Variants in PPL observed in about 807,000 individuals in gnomAD.
The protein encoded by PPL is 190 kDa paraneoplastic pemphigus antigen.
Under a neutral mutation model 194.4 loss-of-function variants are expected in PPL, and 198 were observed. The observed-to-expected ratio is 1.02, with a 90% CI of 0.91 to 1.15. The LOEUF (loss-of-function observed/expected upper bound fraction) is 1.15. PPL is among the 50% of genes most tolerant of loss of function. The pLI, the probability that PPL is intolerant of heterozygous loss-of-function variation, is 0.00. For missense variants in PPL, 2,885 were observed against 2,294.8 expected, an observed-to-expected ratio of 1.26 and a Z score of -5.25; for synonymous variants, 1,220 against 972.4, an observed-to-expected ratio of 1.25 and a Z score of -4.74.
At chr16:4,891,530 C>T (rs910253153) in intron 16 of PPL, 5 of 369,574 alleles carry the variant, frequency 1.4e-5, no homozygotes, top group African/African-American at 8.4e-5. Flanking sequence ...AATCCTGCCC[C>T]AGCCTCCTGA....
chr16:4,884,478 G>C lies in PPL; in HGVS notation c.4177C>G (p.Gln1393Glu). 6.2e-7 allele frequency: 1 copy of C among 1,602,696 alleles called. No homozygotes were observed. Among genetic ancestry groups the C allele is most frequent in the Non-Finnish European group, 8.5e-7 (1 of 1,177,532 alleles). ...CGCTCAAGCTCGGTGCGCCGGCGCT[G>C]CAGCCGCCGCAGCTCTGCCCGCAGC... is the stretch of plus-strand genomic sequence containing the variant. ...DKLRAELRRL[Q>E]RRRTELERQL... The change falls in exon 22 of 22, where the codon CAG becomes GAG. Residue 1393 changes from glutamine (Q) to glutamate (E), a missense_variant. Gln to Glu is a conservative substitution (Grantham distance 29, BLOSUM62 2). Transcript: ENST00000345988. The surrounding 1 kb of genome is among the most constrained non-coding windows in gnomAD (Gnocchi z 5.7).
Position 4,890,697 on chromosome 16 carries a change from C to T in PPL, c.2162+31G>A, listed in dbSNP as rs753402119. 3 of 1,569,018 alleles carry T rather than the reference C, an allele frequency of 1.9e-6. No individual in the cohort carries two copies. In the East Asian group the frequency reaches 6.8e-5, roughly 36 times the overall value. On this transcript the variant is annotated intron_variant, in intron 17 of 21. Transcript: ENST00000345988. ...GGAATTAGATCGCATTCTCAGAAAACAAAAATGGCCACCACCCACCGCACC... is the reference window on the plus strand; with the variant it reads ...GGAATTAGATCGCATTCTCAGAAAATAAAAATGGCCACCACCCACCGCACC...
chr16:4,883,955 T>G lies in PPL; in HGVS notation c.4700A>C (p.Lys1567Thr), dbSNP rs777389788. ...CAGGTTTTGCCTCTCCAGCTGTAAT[T>G]TGTGGTTCTCTTCCCTCAGAAAGTC... ...ELDFLREENH[K>T]LQLERQNLQL... The change falls in exon 22 of 22, where the codon AAA becomes ACA. Residue 1567 changes from lysine to threonine, a missense_variant. Physicochemically the swap from Lys to Thr is moderately conservative, Grantham distance 78. Coordinates refer to ENST00000345988, the MANE Select transcript of PPL (RefSeq NM_002705.5). The surrounding 1 kb of genome is among the most constrained non-coding windows in gnomAD (Gnocchi z 4.8). The G allele has an allele frequency of 3.1e-6, 5 of 1,614,116 alleles. No individual in the cohort carries two copies. The East Asian group carries it at 1.1e-4, about 36-fold the overall frequency.
intron 1 of PPL, among the ~76,000 whole-genome samples, chr16:4,920,862 T>C (rs569243647): frequency 6.6e-6 from 1 of 152,264 alleles, no homozygotes; most frequent in Admixed American, 6.5e-5. Context: ...CTTGGCCTCC[T>C]AAAGTACAGG....
chr16:4,885,489 CTT>C lies in PPL; in HGVS notation c.3164_3165del (p.Lys1055ArgfsTer8), dbSNP rs2088200045. 6.2e-7 allele frequency: 1 copy of C among 1,612,088 alleles called. No individual in the cohort carries two copies. The highest frequency in any genetic ancestry group is 1.3e-5 in the African/African-American group (1 of 74,874). ...KSRAQEKVTEKEVVKLQNDPQ... is the reference protein window; with the variant it reads ...KSRAQEKVTEXEVVKLQNDPQ... ...GGGTCATTCTGCAGTTTCACCACCT[CTT>C]TCTCTGTGACCTTCTCCTGCGCCCG... On this transcript the variant is annotated frameshift_variant, in exon 22 of 22. Transcript: ENST00000345988. LOFTEE classifies it high-confidence loss of function. The surrounding 1 kb of genome is among the most constrained non-coding windows in gnomAD (Gnocchi z 6.3).
At chr16:4,929,738 G>C (rs1166390448) in intron 1 of PPL, among the ~76,000 whole-genome samples, 1 of 152,050 alleles carries the variant, frequency 6.6e-6, no homozygotes, top group Non-Finnish European at 1.5e-5. Context: ...CCAGGCTGGA[G>C]TGCAGTGGCA....
chr16:4,900,763 C>A lies in PPL; in HGVS notation c.606+67G>T, dbSNP rs1042382586. ...CATTTTTAAAACAATACATCCTTGT[C>A]CCCCCGACTCCAAGCTTCCCATCCT... On this transcript the variant is annotated intron_variant, in intron 6 of 21. Transcript: ENST00000345988. 1.9e-6 allele frequency: 3 copies of A among 1,597,308 alleles called. No individual in the cohort carries two copies. In the Admixed American group the frequency reaches 5.0e-5, roughly 27 times the overall value.
intron 1 of PPL, among the ~76,000 whole-genome samples, chr16:4,929,700 AT>A (rs1485164821): frequency 6.6e-6 from 1 of 151,986 alleles, no homozygotes; most frequent in African/African-American, 2.4e-5. Context: ...TATTTTATTT[AT>A]TTAGAGACAG....
At chr16:4,928,173 T>C (rs2089183372) in intron 1 of PPL, among the ~76,000 whole-genome samples, 2 of 152,286 alleles carry the variant, frequency 1.3e-5, no homozygotes, top group Non-Finnish European at 2.9e-5. Context: ...GACAGAGTCT[T>C]GCTCTGTTAT....
At position 4,902,342 on chromosome 16, in the gene PPL, C is replaced by G. The variant is rs2088590561; in HGVS notation, c.438+64G>C. The stretch of plus-strand genomic sequence containing the variant: ...TGCCCATTACATGGGTAGGCTCTCC[C>G]TGCACACGCACAGCCCCCTCCCCAG... On this transcript the variant is annotated intron_variant, in intron 4 of 21. Coordinates refer to ENST00000345988, the MANE Select transcript of PPL (RefSeq NM_002705.5). The surrounding 1 kb of genome is among the most constrained non-coding windows in gnomAD (Gnocchi z 4.0). 1.3e-6 allele frequency: 2 copies of G among 1,597,028 alleles called. No homozygotes were observed. The highest frequency in any genetic ancestry group is 1.7e-5 in the Admixed American group (1 of 58,204).
chr16:4,904,367 C>T (rs1400270733), intron 2 of PPL, among the ~76,000 whole-genome samples: 2 of 152,198 alleles, frequency 1.3e-5, no homozygotes, highest in African/African-American at 4.8e-5. Flanking sequence ...GGCCTCCCTG[C>T]CTGGCACTCA....
At chr16:4,887,840 C>G (rs1187659006) in intron 20 of PPL, among the ~76,000 whole-genome samples, 1 of 152,192 alleles carries the variant, frequency 6.6e-6, no homozygotes, top group African/African-American at 2.4e-5. Context: ...AAGCAGTTCT[C>G]CCACCTCGGC....
chr16:4,926,797 T>A (rs996329107), intron 1 of PPL, among the ~76,000 whole-genome samples: 1 of 143,306 alleles, frequency 7.0e-6, no homozygotes, highest in Non-Finnish European at 1.5e-5. Context: ...GAGAATGGCG[T>A]GAACCTGGGA....
At chr16:4,893,690 C>G (rs760571645) in intron 12 of PPL, 52 bp from the exon 13 acceptor site, 5 of 1,468,094 alleles carry the variant, frequency 3.4e-6, no homozygotes, top group Non-Finnish European at 4.6e-6. Flanking sequence ...ACCCCCTGCA[C>G]CCACAGAGGC....
chr16:4,893,229 C>T lies in PPL; in HGVS notation c.1634G>A (p.Arg545Gln), dbSNP rs201735222. 23 of 1,574,720 alleles carry T rather than the reference C, an allele frequency of 1.5e-5. No individual in the cohort carries two copies. Among genetic ancestry groups the T allele is most frequent in the African/African-American group, 6.7e-5 (5 of 74,444 alleles). The change falls in exon 14 of 22, where the codon CGG becomes CAG. Residue 545 changes from arginine (R) to glutamine (Q), a missense_variant. Coordinates refer to ENST00000345988, the MANE Select transcript of PPL (RefSeq NM_002705.5). ...QGRAVQDSAE[R>Q]AKDLKNITNE... The stretch of plus-strand genomic sequence containing the variant: ...CGCAGGTACCTTGAGGTCCTTGGCC[C>T]GCTCGGCACTGTCCTGCACAGCCCG...
intron 2 of PPL, among the ~76,000 whole-genome samples, chr16:4,904,306 G>A (rs1174590157): frequency 1.3e-5 from 2 of 152,196 alleles, no homozygotes; most frequent in African/African-American, 2.4e-5. Context: ...CAGAGCTCAA[G>A]TACCTACTGT....
chr16:4,919,150 G>A (rs974916455), intron 1 of PPL, among the ~76,000 whole-genome samples: 2 of 152,206 alleles, frequency 1.3e-5, no homozygotes, highest in African/African-American at 4.8e-5. Context: ...TTACTCAGAG[G>A]GTAACACGGA....
At chr16:4,898,387 T>C (rs75637175) in intron 8 of PPL, among the ~76,000 whole-genome samples, 19,830 of 152,000 alleles carry the variant, frequency 0.13, 1,554 homozygotes, top group South Asian at 0.25. Flanking sequence ...TCAGGCGGGG[T>C]TGGTGGCATT....
rs2088202820 is a variant in PPL at position 4,885,605 on chromosome 16, A to G, written c.3050T>C (p.Leu1017Pro). Residue 1017 changes from leucine (L) to proline (P), a missense_variant, in exon 22 of 22, where the codon CTG becomes CCG. By Grantham distance (98) the Leu-to-Pro change is moderately conservative. Transcript: ENST00000345988. This position sits in a 1 kb window ranked among gnomAD's most constrained non-coding sequence, Gnocchi z 6.3. Reference sequence around the variant, plus strand: ...GCCCTTCTGCCGCCTCAGTGCCTCCAGCTCCTCCCGCAGCTGCAAGACCTC... The same window carrying G: ...GCCCTTCTGCCGCCTCAGTGCCTCCGGCTCCTCCCGCAGCTGCAAGACCTC... ...ADEVLQLREE[L>P]EALRRQKGAR... is the part of the protein sequence containing the mutation. The G allele has an allele frequency of 6.2e-7, 1 of 1,611,884 alleles. No individual in the cohort carries two copies. Among genetic ancestry groups the G allele is most frequent in the Non-Finnish European group, 8.5e-7 (1 of 1,179,636 alleles).
Sources: gnomAD v4.1 joint callset for allele counts (sites outside exome capture counted in the v4.1 genomes callset) on GRCh38, gnomAD v4.1.1 for gene constraint, Gnocchi (gnomAD v3.1) non-coding constraint, MANE v1.5 for transcripts, NCBI Gene and HGNC (gene_info 2026-07-23, HGNC 2026-07-21) for gene names.